Variants in CCDC60 observed in about 807,000 individuals in gnomAD.
CCDC60 encodes coiled-coil domain containing 60.
Under a neutral mutation model 63.5 loss-of-function variants are expected in CCDC60, and 54 were observed. The ratio of observed to expected loss-of-function variants is 0.85; its 90% CI spans 0.68 to 1.07. The LOEUF (loss-of-function observed/expected upper bound fraction) is 1.07, where lower values mean the gene tolerates loss of function less well. Among genes scored for constraint, CCDC60 ranks in the 50% least tolerant of loss-of-function variants. The probability of loss-of-function intolerance (pLI) is 0.00; values close to 1 mark genes in which losing one functional copy is unlikely to be tolerated. For synonymous variants in CCDC60, 206 were observed against 238.8 expected (o/e 0.86, Z 1.27); for missense variants, 651 against 684.3 (o/e 0.95, Z 0.54).
chr12:119,405,621 C>G (rs536174794), intron 1 of CCDC60, among the ~76,000 whole-genome samples: 1 of 152,352 alleles, frequency 6.6e-6, no homozygotes, highest in Non-Finnish European at 1.5e-5. Flanking sequence ...CTTCCCTGCC[C>G]TCTTCTCATC....
At chr12:119,465,006 A>G (rs995783138) in intron 2 of CCDC60, among the ~76,000 whole-genome samples, 3 of 152,218 alleles carry the variant, frequency 2.0e-5, no homozygotes, top group African/African-American at 7.2e-5. Context: ...TCCTTTAACC[A>G]ATTACGAATT....
At chr12:119,368,927 C>G (rs1286972890) in intron 1 of CCDC60, among the ~76,000 whole-genome samples, 1 of 152,116 alleles carries the variant, frequency 6.6e-6, no homozygotes, top group Non-Finnish European at 1.5e-5. Context: ...TTCCCCTTTC[C>G]TCTTGTTTTT....
At position 119,380,222 on chromosome 12, in the gene CCDC60, G is replaced by A. The variant is rs141100469; in HGVS notation, c.90+44956G>A. The stretch of plus-strand genomic sequence containing the variant: ...TAAGAGGACAACCACAGTTGGGTGG[G>A]AACAGTCATGTGTGCTAGAAGCAGC... On this transcript the variant is annotated intron_variant, in intron 1 of 13. Transcript: ENST00000327554. Among the ~76,000 whole-genome samples the A allele has an allele frequency of 1.7e-3, 255 of 152,296 alleles. 4 individuals are homozygous for A. Among genetic ancestry groups the A allele is most frequent in the Admixed American group, 0.013 (202 of 15,294 alleles).
chr12:119,346,470 T>G (rs1364726025), intron 1 of CCDC60, among the ~76,000 whole-genome samples: 4 of 152,168 alleles, frequency 2.6e-5, no homozygotes, highest in Admixed American at 2.6e-4. Flanking sequence ...AGAAAGCCTG[T>G]GCTCTTAAGA....
rs562052647 is a variant in CCDC60, at chr12:119,360,028, C to T, written c.90+24762C>T. ...CAAAGCCGCCATTGTCATCCTGGCCCGTTCTCAATGAGCTGTTGGGCACAC... is the reference window on the plus strand; with the variant it reads ...CAAAGCCGCCATTGTCATCCTGGCCTGTTCTCAATGAGCTGTTGGGCACAC... On this transcript the variant is annotated intron_variant, in intron 1 of 13. Coordinates refer to ENST00000327554, the MANE Select transcript of CCDC60 (RefSeq NM_178499.5). 6.4e-3 allele frequency among the ~76,000 whole-genome samples: 978 copies of T among 152,118 alleles called. 6 individuals carry two copies. The highest frequency in any genetic ancestry group is 0.022 in the African/African-American group (933 of 41,526).
intron 1 of CCDC60, among the ~76,000 whole-genome samples, chr12:119,349,441 A>G (rs10744738): frequency 0.66 from 99,823 of 150,530 alleles, 33,303 homozygotes; most frequent in East Asian, 0.81. Context: ...TGCCTCCCAG[A>G]TTCAAGCAAT....
intron 4 of CCDC60, among the ~76,000 whole-genome samples, chr12:119,485,895 T>G (rs975187077): frequency 1.3e-5 from 2 of 152,180 alleles, no homozygotes; most frequent in African/African-American, 2.4e-5. Flanking sequence ...ATGAATCTGA[T>G]GCTCACATGC....
intron 2 of CCDC60, chr12:119,433,321 G>A (rs1261602524): frequency 1.5e-6 from 1 of 680,838 alleles, no homozygotes; most frequent in African/African-American, 1.8e-5. Context: ...AGCTGAGTCT[G>A]TCACTCCCAA....
At chr12:119,364,121 C>T (rs1045531504) in intron 1 of CCDC60, among the ~76,000 whole-genome samples, 14 of 152,084 alleles carry the variant, frequency 9.2e-5, no homozygotes, top group Admixed American at 2.0e-4. Context: ...TAATTTGGGG[C>T]GGTTTCGAGC....
At chr12:119,513,522 C>G (rs1374203451) in intron 7 of CCDC60, among the ~76,000 whole-genome samples, 1 of 152,192 alleles carries the variant, frequency 6.6e-6, no homozygotes, top group South Asian at 2.1e-4. Context: ...ACATAGCCAC[C>G]TTTTCCCTAT....
At chr12:119,390,540 CAAAT>C (rs917550647) in intron 1 of CCDC60, among the ~76,000 whole-genome samples, 5 of 152,168 alleles carry the variant, frequency 3.3e-5, no homozygotes, top group Non-Finnish European at 5.9e-5. Flanking sequence ...AATGAATGGA[CAAAT>C]GAATGAATGT....
chr12:119,498,669 G>T (rs1464356134), intron 5 of CCDC60, among the ~76,000 whole-genome samples: 1 of 152,130 alleles, frequency 6.6e-6, no homozygotes, highest in African/African-American at 2.4e-5. Context: ...CTAGGCGAGA[G>T]CTAGACAAAT....
chr12:119,523,874 A>G (rs570972084), intron 11 of CCDC60, 56 bp downstream of exon 11: 3 of 1,570,244 alleles, frequency 1.9e-6, no homozygotes, highest in East Asian at 4.6e-5. Context: ...TACCTACTAT[A>G]TGCCTGCCAG....
chr12:119,391,783 A>G (rs11064772), intron 1 of CCDC60, among the ~76,000 whole-genome samples: 9,199 of 152,310 alleles, frequency 0.06, 351 homozygotes, highest in South Asian at 0.095. Flanking sequence ...TAGGATTAGC[A>G]AAGGTCCAGT....
intron 2 of CCDC60, among the ~76,000 whole-genome samples, chr12:119,440,449 T>G (rs939809977): frequency 1.3e-5 from 2 of 151,948 alleles, no homozygotes; most frequent in African/African-American, 4.8e-5. Flanking sequence ...AGAATGGCGT[T>G]AACCCGGGAA....
intron 7 of CCDC60, among the ~76,000 whole-genome samples, chr12:119,507,509 T>C (rs1952042390): frequency 2.4e-5 from 3 of 125,510 alleles, no homozygotes; most frequent in African/African-American, 6.2e-5. Flanking sequence ...TATACACACA[T>C]ATATATACAT....
rs1430999920 is a variant in CCDC60 at position 119,365,666 on chromosome 12, A to G, written c.90+30400A>G. Among the ~76,000 whole-genome samples the G allele has an allele frequency of 3.3e-5, 5 of 152,384 alleles. No homozygotes were observed. In the South Asian group the frequency reaches 1.0e-3, roughly 32 times the overall value. On this transcript the variant is annotated intron_variant, in intron 1 of 13. Coordinates refer to ENST00000327554, the MANE Select transcript of CCDC60 (RefSeq NM_178499.5). The stretch of plus-strand genomic sequence containing the variant: ...AAATAGAACTGCCAATTAACTTTAT[A>G]TTCTCAGAAGCAGTGAGCAAAGAAC...
intron 6 of CCDC60, among the ~76,000 whole-genome samples, chr12:119,504,326 C>T (rs1951934087): frequency 6.6e-6 from 1 of 152,144 alleles, no homozygotes; most frequent in Admixed American, 6.5e-5. Context: ...CAGGAAGGTA[C>T]ACACAGACAC....
chr12:119,383,680 C>T (rs1565978418), intron 1 of CCDC60, among the ~76,000 whole-genome samples: 1 of 152,202 alleles, frequency 6.6e-6, no homozygotes, highest in Non-Finnish European at 1.5e-5. Flanking sequence ...CTGAGCTGTC[C>T]TGTCACTGGA....
Sources: allele counts gnomAD v4.1 joint callset (sites outside exome capture counted in the v4.1 genomes callset), GRCh38; gene constraint gnomAD v4.1.1; transcripts MANE v1.5; gene names NCBI Gene and HGNC (gene_info 2026-07-23, HGNC 2026-07-21).